ZZEF1: variants seen among roughly 807,000 people sequenced by gnomAD.
ZZEF1 encodes the protein zinc finger ZZ-type and EF-hand domain containing 1.
Under a neutral mutation model 342.8 loss-of-function variants are expected in ZZEF1, and 157 were observed. The observed-to-expected ratio is 0.46, with a 90% confidence interval of 0.40 to 0.52. The LOEUF (loss-of-function observed/expected upper bound fraction) is 0.52, where lower values mean the gene tolerates loss of function less well. ZZEF1 is among the 20% of genes least tolerant of loss of function. The probability of loss-of-function intolerance (pLI) is 0.00; values close to 1 mark genes in which losing one functional copy is unlikely to be tolerated. For missense variants in ZZEF1, 3,480 were observed against 3,725.6 expected (o/e 0.93, Z 1.72); for synonymous variants, 1,505 against 1,429.1 (o/e 1.05, Z -1.20).
intron 42 of ZZEF1, among the ~76,000 whole-genome samples, chr17:4,031,293 G>C (rs1219089412): frequency 1.4e-5 from 2 of 146,474 alleles, no homozygotes; most frequent in South Asian, 4.3e-4. Context: ...TCCAGCCTGG[G>C]CAACAGAGTG....
intron 36 of ZZEF1, 104 bp from the exon 37 acceptor site, chr17:4,049,963 A>C (rs1363401941): frequency 7.5e-7 from 1 of 1,326,450 alleles, no homozygotes; most frequent in Middle Eastern, 2.3e-4. Flanking sequence ...TAAATAAATG[A>C]GTTCTGCACA....
intron 24 of ZZEF1, 145 bp downstream of exon 24, chr17:4,074,005 A>G (rs1479123169): frequency 1.4e-5 from 13 of 923,224 alleles, no homozygotes; most frequent in Non-Finnish European, 2.1e-5. Context: ...TTGAGTGGAC[A>G]CTTTATTCTT....
At chr17:4,097,994 T>G (rs1288213640) in intron 9 of ZZEF1, among the ~76,000 whole-genome samples, 2 of 150,360 alleles carry the variant, frequency 1.3e-5, no homozygotes, top group African/African-American at 4.9e-5. Context: ...TCCCAGCACT[T>G]TGGGAGGCTG....
chr17:4,096,520 A>C, intron 10 of ZZEF1, 89 bp downstream of exon 10: 2 of 1,098,466 alleles, frequency 1.8e-6, no homozygotes, highest in Non-Finnish European at 2.7e-6. Context: ...CACCTCATGT[A>C]CCCCACAAAT....
intron 18 of ZZEF1, among the ~76,000 whole-genome samples, chr17:4,080,888 C>G (rs186922652): frequency 2.8e-4 from 43 of 152,296 alleles, no homozygotes; most frequent in African/African-American, 7.9e-4. Context: ...TGCCCTCACT[C>G]GTTTGCAAGG....
chr17:4,134,477 G>T (rs774900564), intron 1 of ZZEF1, among the ~76,000 whole-genome samples: 3 of 151,568 alleles, frequency 2.0e-5, no homozygotes, highest in Non-Finnish European at 4.4e-5. Flanking sequence ...CAGCCTAGAA[G>T]ACAGATCTGT....
intron 2 of ZZEF1, among the ~76,000 whole-genome samples, chr17:4,119,290 T>G (rs1430043451): frequency 1.3e-5 from 2 of 151,978 alleles, no homozygotes; most frequent in African/African-American, 4.8e-5. Flanking sequence ...AATATGAGAG[T>G]TGAATGGGAA....
chr17:4,116,579 T>C (rs954004723), intron 3 of ZZEF1, among the ~76,000 whole-genome samples: 3 of 152,158 alleles, frequency 2.0e-5, no homozygotes, highest in Non-Finnish European at 2.9e-5. Flanking sequence ...ATACCTACCA[T>C]GCAACAGGCA....
intron 52 of ZZEF1, among the ~76,000 whole-genome samples, chr17:4,011,529 A>G (rs1038366485): frequency 1.3e-5 from 2 of 152,100 alleles, no homozygotes; most frequent in African/African-American, 4.8e-5. Flanking sequence ...CTCTGCTGAG[A>G]GAATGAACTG....
chr17:4,096,874 C>T (rs1174399381), intron 9 of ZZEF1, among the ~76,000 whole-genome samples, 174 bp from the exon 10 acceptor site: 1 of 152,096 alleles, frequency 6.6e-6, no homozygotes, highest in Non-Finnish European at 1.5e-5. Flanking sequence ...GATGATAAAG[C>T]CCCAGGTAAG....
At chr17:4,096,724 T>C in intron 9 of ZZEF1, 24 bp from the exon 10 acceptor site, 1 of 1,600,150 alleles carries the variant, frequency 6.2e-7, no homozygotes, top group Non-Finnish European at 8.6e-7. Flanking sequence ...AAACTCAAGT[T>C]AGGGAACTAA....
In ZZEF1 at chr17:4,109,869, G is replaced by A. The variant is rs774865675; in HGVS notation, c.1067-6C>T. ...CTTTATGTTAATCTGGACATCTGTC[G>A]AGCACAAACAAAAAATTCAGTATTG... On this transcript the variant is annotated splice_region_variant and splice_polypyrimidine_tract_variant and intron_variant, in intron 5 of 54. Transcript: ENST00000381638. 3.0e-5 allele frequency: 49 copies of A among 1,613,844 alleles called. No individual in the cohort carries two copies. The Middle Eastern group carries it at 6.6e-4, about 22-fold the overall frequency.
rs150606376 is a variant in ZZEF1 at position 4,074,175 on chromosome 17, C to T, written c.3660G>A (p.Gln1220=). 3.4e-4 allele frequency: 541 copies of T among 1,613,992 alleles called. 5 individuals are homozygous for T. In the East Asian group the frequency reaches 5.6e-3, roughly 17 times the overall value. The change falls in exon 24 of 55, where the codon CAG becomes CAA. Residue 1220 remains glutamine (Q), a synonymous_variant. Coordinates refer to ENST00000381638, the MANE Select transcript of ZZEF1 (RefSeq NM_015113.4). Reference sequence around the variant, plus strand: ...GGCGCACAGACTTGAGCGCCATGCACTGGGAAGCCAGGCGTCCCATCAGCC... The same window carrying T: ...GGCGCACAGACTTGAGCGCCATGCATTGGGAAGCCAGGCGTCCCATCAGCC... ...VSRLMGRLAS[Q]CMALKSVRQL...
chr17:4,088,985 T>G, intron 12 of ZZEF1, 92 bp from the exon 13 acceptor site: 1 of 1,237,498 alleles, frequency 8.1e-7, no homozygotes, highest in Non-Finnish European at 1.1e-6. Context: ...AAGGTCTTCC[T>G]ATGATTTTCG....
intron 7 of ZZEF1, 141 bp downstream of exon 7, chr17:4,105,552 T>C: frequency 6.0e-6 from 4 of 669,260 alleles, no homozygotes; most frequent in Admixed American, 5.2e-5. Context: ...TGAACTATTA[T>C]GTCACTTTCT....
chr17:4,105,481 T>A (rs2058196009), intron 7 of ZZEF1, among the ~76,000 whole-genome samples: 2 of 152,200 alleles, frequency 1.3e-5, no homozygotes, highest in African/African-American at 4.8e-5. Context: ...GCAACACCCC[T>A]CACCAACCTT....
At chr17:4,062,206 C>G (rs1208247421) in intron 30 of ZZEF1, among the ~76,000 whole-genome samples, 1 of 152,070 alleles carries the variant, frequency 6.6e-6, no homozygotes, top group African/African-American at 2.4e-5. Flanking sequence ...TCTCCTCAGC[C>G]TGCCTTCCCT....
chr17:4,099,782 G>A (rs1261847575), intron 9 of ZZEF1, among the ~76,000 whole-genome samples: 12 of 152,256 alleles, frequency 7.9e-5, no homozygotes, highest in South Asian at 4.1e-4. Context: ...CTGACCTCAG[G>A]TGATCTGCCT....
Position 4,114,304 on chromosome 17 carries a change from C to A in ZZEF1, c.861G>T (p.Trp287Cys). The change falls in exon 4 of 55, where the codon TGG becomes TGT. Residue 287 changes from tryptophan (W) to cysteine (C), a missense_variant. Transcript: ENST00000381638. ...WQSDGSACSH[W>C]IRLKMKPDVV... ...AAGTATTATATACCACCCACCGAAT[C>A]CAGTGTGAACAGGCACTGCCATCTG... 4.4e-6 allele frequency: 7 copies of A among 1,586,344 alleles called. No homozygotes were observed. Among genetic ancestry groups the A allele is most frequent in the African/African-American group, 2.7e-5 (2 of 73,592 alleles).
Sources: gnomAD v4.1 joint callset for allele counts (sites outside exome capture counted in the v4.1 genomes callset) on GRCh38, gnomAD v4.1.1 for gene constraint, MANE v1.5 for transcripts, NCBI Gene and HGNC (gene_info 2026-07-23, HGNC 2026-07-21) for gene names.